The following ZNF552 variants were observed in gnomAD, a reference collection of about 807,000 sequenced individuals.
ZNF552 encodes zinc finger protein 552.
A neutral mutation model predicts 7.2 loss-of-function variants in ZNF552; 2 were observed. That is an observed-to-expected ratio of 0.28 (90% CI 0.11 to 0.88). ZNF552 has a LOEUF of 0.88. ZNF552 is among the 40% of genes least tolerant of loss of function. The probability of loss-of-function intolerance (pLI) is 0.60; values close to 1 mark genes in which losing one functional copy is unlikely to be tolerated. For synonymous variants in ZNF552, 173 were observed against 176.5 expected, an observed-to-expected ratio of 0.98 and a Z score of 0.16; for missense variants, 421 against 493.4, an observed-to-expected ratio of 0.85 and a Z score of 1.39.
chr19:57,813,154 G>C, intron 2 of ZNF552, 140 bp downstream of exon 2: 1 of 1,403,904 alleles, frequency 7.1e-7, no homozygotes, highest in East Asian at 2.4e-5. Context: ...AGGGCAGTAT[G>C]CATACCTCAG....
intron 2 of ZNF552, among the ~76,000 whole-genome samples, chr19:57,811,004 G>A (rs1021925066): frequency 7.9e-5 from 12 of 152,114 alleles, no homozygotes; most frequent in Admixed American, 3.3e-4. Flanking sequence ...TTGTTCACAT[G>A]TTTTCCTGCT....
In ZNF552 at chr19:57,807,599, T is replaced by C. The variant is rs1026603916; in HGVS notation, c.*441A>G. 7.0e-5 allele frequency: 11 copies of C among 157,890 alleles called. No homozygotes were observed. The highest frequency in any genetic ancestry group is 1.5e-4 in the Non-Finnish European group (11 of 71,650). 9.8% of individuals were successfully genotyped at this position (157,890 alleles called of 1,614,324 possible). Reference sequence around the variant, plus strand: ...CAAGACTTATCCTACAGCTCAAATATGCATACTTTATTGGATGTCATTTAT... The same window carrying C: ...CAAGACTTATCCTACAGCTCAAATACGCATACTTTATTGGATGTCATTTAT... On this transcript the variant is annotated 3_prime_UTR_variant, in exon 3 of 3. Transcript: ENST00000391701.
At chr19:57,811,196 G>A (rs964960125) in intron 2 of ZNF552, among the ~76,000 whole-genome samples, 9 of 151,648 alleles carry the variant, frequency 5.9e-5, no homozygotes, top group Non-Finnish European at 2.9e-5. Context: ...TTATTGAGAC[G>A]GAGTCTCGCT....
rs1987772656 is a variant in ZNF552, at chr19:57,807,947, C to T, written c.*93G>A. On this transcript the variant is annotated 3_prime_UTR_variant, in exon 3 of 3. Transcript: ENST00000391701. ...CTCTCCAATATCCAAGGAGAGCAGA[C>T]CTTTGGGTAAACATTTTCCACATTT... 1 of 1,439,818 alleles carries T rather than the reference C, an allele frequency of 6.9e-7. No individual in the cohort carries two copies. The highest frequency in any genetic ancestry group is 2.2e-5 in the Admixed American group (1 of 44,748). 89.2% of individuals were successfully genotyped at this position (1,439,818 alleles called of 1,614,324 possible).
In ZNF552 at chr19:57,814,717, G is replaced by A; in HGVS notation, c.27C>T (p.Pro9=). The A allele has an allele frequency of 6.2e-7, 1 of 1,614,050 alleles. No homozygotes were observed. Among genetic ancestry groups the A allele is most frequent in the Non-Finnish European group, 8.5e-7 (1 of 1,180,020 alleles). The change falls in exon 1 of 3, where the codon CCC becomes CCT. Residue 9 remains proline, a synonymous_variant. Coordinates refer to ENST00000391701, the MANE Select transcript of ZNF552 (RefSeq NM_024762.3). The stretch of plus-strand genomic sequence containing the variant: ...CGGAAGGCGCCACAATTACCTGAAC[G>A]GGGAACCTTAGCGCGGCCGCCGCCA... MAAAALRF[P]VQGTVTFEDV... is the part of the protein sequence containing the mutation.
chr19:57,814,774 C>G lies in ZNF552; in HGVS notation c.-31G>C. On this transcript the variant is annotated 5_prime_UTR_variant, in exon 1 of 3. Transcript: ENST00000391701. ...CACGTGGGGTAAGCTGGGTTGAGAG[C>G]AGCGGGCGCCGTTAAAGAGCTGCAG... The G allele has an allele frequency of 6.2e-6, 10 of 1,609,948 alleles. No homozygotes were observed. Among genetic ancestry groups the G allele is most frequent in the Non-Finnish European group, 8.5e-6 (10 of 1,178,286 alleles).
At chr19:57,812,028 CAA>C (rs35699223) in intron 2 of ZNF552, among the ~76,000 whole-genome samples, 5 of 63,748 alleles carry the variant, frequency 7.8e-5, no homozygotes, top group Admixed American at 2.1e-4. Context: ...GACTCTGTCT[CAA>C]AAAAAAAAAA....
rs1403822320 is a variant in ZNF552, at chr19:57,808,570, T to G, written c.694A>C (p.Arg232=). The part of the protein sequence containing the change: ...STKDILSQHE[R]LLPTEEPSVW... ...GAAGGTTCTTCTGTAGGGAGCAGTC[T>G]CTCGTGCTGACTGAGTATATCTTTG... Residue 232 remains arginine (R), a synonymous_variant, in exon 3 of 3, where the codon AGA becomes CGA. Transcript: ENST00000391701. 2 of 1,614,210 alleles carry G rather than the reference T, an allele frequency of 1.2e-6. No individual in the cohort carries two copies. Among genetic ancestry groups the G allele is most frequent in the South Asian group, 1.1e-5 (1 of 91,088 alleles).
intron 2 of ZNF552, among the ~76,000 whole-genome samples, chr19:57,811,732 A>AG (rs1178617809): frequency 6.7e-6 from 1 of 150,278 alleles, no homozygotes; most frequent in Non-Finnish European, 1.5e-5. Flanking sequence ...AAAAAAAAAA[A>AG]AAAAAACAAT....
intron 2 of ZNF552, among the ~76,000 whole-genome samples, chr19:57,811,793 G>A (rs1370021318): frequency 6.6e-6 from 1 of 151,370 alleles, no homozygotes; most frequent in Admixed American, 6.6e-5. Flanking sequence ...CACTGTGGGA[G>A]GCAAAGGCAG....
rs143509552 is a variant in ZNF552, at chr19:57,810,835, T to C, written c.161-1732A>G. Among the ~76,000 whole-genome samples the C allele has an allele frequency of 7.4e-4, 112 of 152,372 alleles. No homozygotes were observed. The East Asian group carries it at 0.018, about 25-fold the overall frequency. ...GGAATGTCTGGGTGTTAAAACCCAA[T>C]TGTATATTCCATATACTGAGATAGG... On this transcript the variant is annotated intron_variant, in intron 2 of 2. Coordinates refer to ENST00000391701, the MANE Select transcript of ZNF552 (RefSeq NM_024762.3).
intron 1 of ZNF552, among the ~76,000 whole-genome samples, chr19:57,813,734 CTTTTTTT>C (rs528034833): frequency 2.4e-4 from 21 of 86,296 alleles, no homozygotes; most frequent in African/African-American, 6.4e-4. Flanking sequence ...GCACCTCATT[CTTTTTTT>C]TTTTTTTTTT....
intron 2 of ZNF552, among the ~76,000 whole-genome samples, chr19:57,811,024 C>G (rs150060389): frequency 1.3e-5 from 2 of 150,088 alleles, no homozygotes; most frequent in African/African-American, 2.5e-5. Flanking sequence ...TGAACCTCTC[C>G]CCACTATTAC....
At position 57,813,112 on chromosome 19, in the gene ZNF552, TAGC is replaced by T. The variant is rs1261260240; in HGVS notation, c.160+179_160+181del. 26 of 979,074 alleles carry T rather than the reference TAGC, an allele frequency of 2.7e-5. 1 individual carries two copies. Among genetic ancestry groups the T allele is most frequent in the East Asian group, 1.7e-4 (6 of 36,326 alleles). The allele number at this position is 979,074 out of a possible 1,614,324, so 60.6% of individuals were successfully genotyped here. ...TCTGAATTCTTCCCTGGGAGCTCAA[TAGC>T]AGGTGTTGGGGCTGCTCCAAGAATG... On this transcript the variant is annotated intron_variant, in intron 2 of 2. Transcript: ENST00000391701.
Position 57,808,604 on chromosome 19 carries a change from A to G in ZNF552, c.660T>C (p.His220=), listed in dbSNP as rs1987789764. ...GACTGAGTATATCTTTGGTGCTAAA[A>G]TGTTTCATGCATCCTCCACAGCTGT... is the stretch of plus-strand genomic sequence containing the variant. ...SHYSCGGCMK[H]FSTKDILSQH... Residue 220 remains histidine, a synonymous_variant, in exon 3 of 3, where the codon CAT becomes CAC. Transcript: ENST00000391701. The G allele has an allele frequency of 1.2e-6, 2 of 1,614,154 alleles. No individual in the cohort carries two copies. The highest frequency in any genetic ancestry group is 1.7e-6 in the Non-Finnish European group (2 of 1,180,030).
chr19:57,809,142 C>G (rs1254479181), intron 2 of ZNF552, 39 bp from the exon 3 acceptor site: 2 of 1,555,920 alleles, frequency 1.3e-6, no homozygotes, highest in Non-Finnish European at 1.7e-6. Flanking sequence ...CATGTTAACT[C>G]TGGTGGGAAG....
Position 57,813,384 on chromosome 19 carries a change from T to C in ZNF552, c.70A>G (p.Thr24Ala), listed in dbSNP as rs1350953566. The change falls in exon 2 of 3, where the codon ACC (threonine) becomes GCC (alanine). Residue 24 changes from threonine (T) to alanine (A), a missense_variant. By Grantham distance (58) the Thr-to-Ala change is moderately conservative. This residue lies in a region of ZNF552 where 122 missense variants were observed against 199.7 expected (regional missense o/e 0.61). Coordinates refer to ENST00000391701, the MANE Select transcript of ZNF552 (RefSeq NM_024762.3). ...VTFEDVAVKF[T>A]QEEWNLLSEA... ...CTAAGGAGATTCCATTCCTCCTGGG[T>C]AAATTTCACAGCCACGTCTTCAAAA... 1.1e-5 allele frequency: 18 copies of C among 1,613,930 alleles called. No homozygotes were observed. The highest frequency in any genetic ancestry group is 1.5e-5 in the Non-Finnish European group (18 of 1,180,026).
At chr19:57,813,617 TGATATAAGAGTCCACCCCCTCCTGACAG>T (rs957835469) in intron 1 of ZNF552, among the ~76,000 whole-genome samples, 197 bp from the exon 2 acceptor site, 20 of 151,800 alleles carry the variant, frequency 1.3e-4, no homozygotes, top group African/African-American at 4.6e-4. Context: ...GCGGTGGCTG[TGATATAAGAGTCCACCCCCTCCTGACAG>T]GCACTTCCCC....
rs376091023 is a variant in ZNF552 at position 57,807,997 on chromosome 19, G to C, written c.*43C>G. ...TGCTGCAATCACAGGATCTTACTCA[G>C]GTGTGTATTCTCCAATATTTAATGA... On this transcript the variant is annotated 3_prime_UTR_variant, in exon 3 of 3. Transcript: ENST00000391701. The C allele has an allele frequency of 2.0e-5, 31 of 1,543,732 alleles. No individual in the cohort carries two copies. The highest frequency in any genetic ancestry group is 2.4e-5 in the Non-Finnish European group (27 of 1,144,460).
Sources: gnomAD v4.1 joint callset for allele counts (sites outside exome capture counted in the v4.1 genomes callset) on GRCh38, gnomAD v4.1.1 for gene constraint, gnomAD v4.1.1 regional missense constraint, MANE v1.5 for transcripts, NCBI Gene and HGNC (gene_info 2026-07-23, HGNC 2026-07-21) for gene names.